KCNQ5: variants seen among roughly 807,000 people sequenced by gnomAD.
KCNQ5 encodes potassium voltage-gated channel subfamily KQT member 5.
A neutral mutation model predicts 98.2 loss-of-function variants in KCNQ5; 30 were observed. The observed-to-expected ratio is 0.31, with a 90% CI of 0.23 to 0.41. The LOEUF (loss-of-function observed/expected upper bound fraction) is 0.41, where lower values mean the gene tolerates loss of function less well. KCNQ5 is among the 10% of genes least tolerant of loss of function. The pLI, the probability that KCNQ5 is intolerant of heterozygous loss-of-function variation, is 1.00. For synonymous variants in KCNQ5, 458 were observed against 449.4 expected, an observed-to-expected ratio of 1.02 and a Z score of -0.24; for missense variants, 835 against 1,182.5, an observed-to-expected ratio of 0.71 and a Z score of 4.31.
intron 1 of KCNQ5, among the ~76,000 whole-genome samples, chr6:72,811,737 A>C (rs1471520305): frequency 6.6e-6 from 1 of 152,174 alleles, no homozygotes; most frequent in Admixed American, 6.5e-5. Flanking sequence ...GTTACCGGAA[A>C]GGGTCCCAGT....
intron 1 of KCNQ5, among the ~76,000 whole-genome samples, chr6:72,655,323 A>G (rs1177401177): frequency 6.6e-6 from 1 of 151,970 alleles, no homozygotes; most frequent in Non-Finnish European, 1.5e-5. Context: ...ATTTTTTAGC[A>G]CTATGTTAGG....
intron 1 of KCNQ5, among the ~76,000 whole-genome samples, chr6:72,768,321 G>C (rs1772682486): frequency 6.6e-6 from 1 of 151,944 alleles, no homozygotes; most frequent in Admixed American, 6.6e-5. Flanking sequence ...TGGTGGAGTT[G>C]AGGAGGGAAG....
chr6:72,772,761 T>A (rs1278292469), intron 1 of KCNQ5, among the ~76,000 whole-genome samples: 1 of 152,142 alleles, frequency 6.6e-6, no homozygotes. Context: ...TTAAAAAATG[T>A]CACTGAACTG....
At chr6:73,051,697 G>A (rs1420070762) in intron 3 of KCNQ5, among the ~76,000 whole-genome samples, 15 of 85,892 alleles carry the variant, frequency 1.7e-4, no homozygotes, top group Non-Finnish European at 3.1e-4. Context: ...CATCAAAGAA[G>A]ATAGAGGCAA....
chr6:72,645,821 G>A (rs1765570881), intron 1 of KCNQ5, among the ~76,000 whole-genome samples: 1 of 152,110 alleles, frequency 6.6e-6, no homozygotes, highest in Admixed American at 6.5e-5. Context: ...GATTGGAAAA[G>A]GTTTTAATTT....
intron 1 of KCNQ5, among the ~76,000 whole-genome samples, chr6:72,862,002 C>A (rs1475748061): frequency 2.0e-5 from 3 of 152,164 alleles, no homozygotes; most frequent in Non-Finnish European, 4.4e-5. Flanking sequence ...GACTTCCCGG[C>A]CCTACTAAAT....
At chr6:73,064,360 T>TTATACAATATAAATTTA (rs1772955507) in intron 3 of KCNQ5, among the ~76,000 whole-genome samples, 1 of 152,178 alleles carries the variant, frequency 6.6e-6, no homozygotes. Flanking sequence ...GTATTGTAGT[T>TTATACAATATAAATTTA]TTGCTCTGTA....
At chr6:72,941,723 T>TTCTCC in intron 1 of KCNQ5, among the ~76,000 whole-genome samples, 1 of 14,276 alleles carries the variant, frequency 7.0e-5, no homozygotes, top group Non-Finnish European at 1.8e-4. Context: ...TTTCTTTCTT[T>TTCTCC]CTTTCTTTCT....
intron 10 of KCNQ5, among the ~76,000 whole-genome samples, chr6:73,164,527 TC>T (rs1777722800): frequency 6.6e-6 from 1 of 152,102 alleles, no homozygotes; most frequent in Non-Finnish European, 1.5e-5. Flanking sequence ...ACAGGATGAG[TC>T]TCTTATTGGG....
chr6:72,961,592 A>C, intron 1 of KCNQ5, among the ~76,000 whole-genome samples: 1 of 142,176 alleles, frequency 7.0e-6, no homozygotes, highest in African/African-American at 2.7e-5. Context: ...ACTGCACTCC[A>C]GCCTGGGTGA....
intron 1 of KCNQ5, among the ~76,000 whole-genome samples, chr6:72,715,802 T>C (rs926239095): frequency 1.3e-5 from 2 of 152,206 alleles, no homozygotes; most frequent in Non-Finnish European, 2.9e-5. Context: ...CGATACTAAC[T>C]AGGATAATTA....
intron 1 of KCNQ5, among the ~76,000 whole-genome samples, chr6:72,759,763 G>A (rs1363344245): frequency 1.3e-5 from 2 of 151,828 alleles, no homozygotes; most frequent in South Asian, 2.1e-4. Flanking sequence ...AGACATTAAC[G>A]AAAAATAAAC....
intron 10 of KCNQ5, chr6:73,157,448 G>A: frequency 1.5e-6 from 1 of 672,106 alleles, no homozygotes; most frequent in Non-Finnish European, 2.7e-6. Flanking sequence ...GGCGGTGGGA[G>A]CTCAGGGCGC....
At chr6:72,675,334 C>T (rs951037559) in intron 1 of KCNQ5, among the ~76,000 whole-genome samples, 1 of 152,102 alleles carries the variant, frequency 6.6e-6, no homozygotes, top group African/African-American at 2.4e-5. Context: ...AAATTGTCAT[C>T]TATTGTAAAG....
chr6:73,047,192 T>G (rs1180805904), intron 3 of KCNQ5, among the ~76,000 whole-genome samples: 3 of 152,242 alleles, frequency 2.0e-5, no homozygotes, highest in Non-Finnish European at 2.9e-5. Context: ...GATACTATTA[T>G]GCTTATCATT....
In KCNQ5 at chr6:73,111,355, C is replaced by T; in HGVS notation, c.1077C>T (p.Arg359=). The change falls in exon 7 of 14, where the codon CGC becomes CGT. Residue 359 remains arginine (R), a synonymous_variant. Transcript: ENST00000370398. ...GFALKVQEQH[R]QKHFEKRRNP... ...CATTAAAAGTACAAGAACAACACCG[C>T]CAGAAACACTTTGAGAAAAGAAGGA... 1 of 1,611,762 alleles carries T rather than the reference C, an allele frequency of 6.2e-7. No homozygotes were observed. Among genetic ancestry groups the T allele is most frequent in the South Asian group, 1.1e-5 (1 of 90,630 alleles).
intron 1 of KCNQ5, among the ~76,000 whole-genome samples, chr6:72,690,046 G>A (rs1768136344): frequency 1.3e-5 from 2 of 152,098 alleles, no homozygotes. Context: ...GCTGAGGTGG[G>A]TGGATCACTT....
At position 72,724,938 on chromosome 6, in the gene KCNQ5, A is replaced by G. The variant is rs551938454; in HGVS notation, c.398+102351A>G. Among the ~76,000 whole-genome samples the G allele has an allele frequency of 4.9e-4, 74 of 152,344 alleles. 1 individual carries two copies. The highest frequency in any genetic ancestry group is 1.7e-3 in the African/African-American group (70 of 41,584). On this transcript the variant is annotated intron_variant, in intron 1 of 13. Transcript: ENST00000370398. The stretch of plus-strand genomic sequence containing the variant: ...TACAAGTCATATATTACTTCATAAC[A>G]TGGTTGCATAGAGAAGGGAAACCAT...
At chr6:73,075,764 C>T (rs946366756) in intron 3 of KCNQ5, among the ~76,000 whole-genome samples, 24 of 152,082 alleles carry the variant, frequency 1.6e-4, no homozygotes, top group Admixed American at 6.5e-5. Flanking sequence ...TCCTTCAGGG[C>T]GGACACCGGT....
Sources: allele counts gnomAD v4.1 joint callset (sites outside exome capture counted in the v4.1 genomes callset), GRCh38; gene constraint gnomAD v4.1.1; transcripts MANE v1.5; gene names NCBI Gene and HGNC (gene_info 2026-07-23, HGNC 2026-07-21).